The following GKAP1 variants were observed in gnomAD, a reference collection of about 807,000 sequenced individuals.
GKAP1 encodes the protein G kinase-anchoring protein 1.
In GKAP1, 31 loss-of-function variants were observed where a neutral mutation model predicts 56.7. The ratio of observed to expected loss-of-function variants is 0.55; its 90% confidence interval spans 0.41 to 0.74. The LOEUF (loss-of-function observed/expected upper bound fraction) is 0.74. GKAP1 is among the 30% of genes least tolerant of loss of function. The probability of loss-of-function intolerance (pLI) is 0.00; values close to 1 mark genes in which losing one functional copy is unlikely to be tolerated. For synonymous variants in GKAP1, 151 were observed against 138.6 expected, an observed-to-expected ratio of 1.09 and a Z score of -0.63; for missense variants, 364 against 402.3, an observed-to-expected ratio of 0.90 and a Z score of 0.82.
intron 2 of GKAP1, among the ~76,000 whole-genome samples, chr9:83,806,889 G>T (rs187966787): frequency 1.3e-5 from 2 of 152,020 alleles, no homozygotes; most frequent in Non-Finnish European, 2.9e-5. Context: ...ATGGTTTACA[G>T]TGGAAAAGAA....
intron 4 of GKAP1, chr9:83,793,013 C>T (rs1944187895): frequency 7.8e-7 from 1 of 1,277,264 alleles, no homozygotes; most frequent in South Asian, 1.3e-5. Context: ...CCTCCTACTC[C>T]CCATCTAGTA....
intron 4 of GKAP1, among the ~76,000 whole-genome samples, chr9:83,789,456 C>T (rs1453283802): frequency 1.3e-5 from 2 of 152,172 alleles, no homozygotes; most frequent in Middle Eastern, 6.3e-3. Flanking sequence ...ATAGCTGCAA[C>T]ATGACATGGG....
chr9:83,753,571 GACAA>G (rs1943428879), intron 8 of GKAP1, among the ~76,000 whole-genome samples: 1 of 152,038 alleles, frequency 6.6e-6, no homozygotes, highest in Non-Finnish European at 1.5e-5. Flanking sequence ...CAAACATACT[GACAA>G]ACAATATCAG....
rs111520030 is a variant in GKAP1 at position 83,803,535 on chromosome 9, G to A, written c.216+2767C>T. Among the ~76,000 whole-genome samples the A allele has an allele frequency of 7.2e-5, 11 of 152,344 alleles. 1 individual carries two copies. The highest frequency in any genetic ancestry group is 2.4e-4 in the African/African-American group (10 of 41,580). On this transcript the variant is annotated intron_variant, in intron 3 of 12. Transcript: ENST00000376371. ...CTCCCGAGGTGCCGGGATTGCAGACGGAGTGTGGTTCACTCAGTGCTCAAT... is the reference window on the plus strand; with the variant it reads ...CTCCCGAGGTGCCGGGATTGCAGACAGAGTGTGGTTCACTCAGTGCTCAAT...
chr9:83,770,579 C>T (rs112504463), intron 7 of GKAP1, among the ~76,000 whole-genome samples: 2,086 of 150,408 alleles, frequency 0.014, 29 homozygotes, highest in South Asian at 0.035. Context: ...TTTTTTGAGA[C>T]GGAGTTTCAC....
intron 8 of GKAP1, among the ~76,000 whole-genome samples, chr9:83,758,782 T>C (rs1460827983): frequency 6.7e-6 from 1 of 150,066 alleles, no homozygotes; most frequent in African/African-American, 2.4e-5. Context: ...AGACTTAGGG[T>C]TGATTTACTT....
intron 4 of GKAP1, among the ~76,000 whole-genome samples, chr9:83,791,441 G>C (rs188274898): frequency 2.0e-5 from 3 of 151,530 alleles, no homozygotes; most frequent in Admixed American, 2.0e-4. Context: ...AAATTTTAAA[G>C]TAAAAACATA....
At chr9:83,784,869 C>A in intron 5 of GKAP1, 31 bp from the exon 6 acceptor site, 1 of 1,478,334 alleles carries the variant, frequency 6.8e-7, no homozygotes, top group South Asian at 1.3e-5. Flanking sequence ...CAATTAAGTT[C>A]AGTTTACAAA....
intron 3 of GKAP1, among the ~76,000 whole-genome samples, chr9:83,801,941 A>G (rs1944337888): frequency 6.6e-6 from 1 of 152,230 alleles, no homozygotes; most frequent in South Asian, 2.1e-4. Context: ...TAATAGAAAA[A>G]ATAAACTGAA....
chr9:83,762,040 G>A (rs1273604053), intron 8 of GKAP1, among the ~76,000 whole-genome samples: 1 of 152,098 alleles, frequency 6.6e-6, no homozygotes, highest in Non-Finnish European at 1.5e-5. Context: ...ACGTAGTACT[G>A]GAAGTCCTAG....
chr9:83,753,846 C>T (rs879866201), intron 8 of GKAP1, among the ~76,000 whole-genome samples: 9 of 151,956 alleles, frequency 5.9e-5, no homozygotes, highest in Non-Finnish European at 1.3e-4. Context: ...TGATCAGGAC[C>T]AACACTAAGA....
chr9:83,802,549 T>A (rs1944348352), intron 3 of GKAP1, among the ~76,000 whole-genome samples: 1 of 148,376 alleles, frequency 6.7e-6, no homozygotes, highest in Non-Finnish European at 1.5e-5. Flanking sequence ...TTACAGAGGG[T>A]CAGGAATAGT....
chr9:83,791,837 A>G (rs1328939221), intron 4 of GKAP1, among the ~76,000 whole-genome samples: 1 of 152,238 alleles, frequency 6.6e-6, no homozygotes, highest in Admixed American at 6.5e-5. Flanking sequence ...GTGATTCAGG[A>G]ATACAGAAAA....
intron 6 of GKAP1, among the ~76,000 whole-genome samples, chr9:83,781,511 T>C (rs2131288707): frequency 6.6e-6 from 1 of 152,358 alleles, no homozygotes; most frequent in East Asian, 1.9e-4. Context: ...ATCTAAAAGC[T>C]GGTCCAGTTC....
At chr9:83,790,851 C>T (rs893027544) in intron 4 of GKAP1, among the ~76,000 whole-genome samples, 1 of 151,960 alleles carries the variant, frequency 6.6e-6, no homozygotes, top group Non-Finnish European at 1.5e-5. Context: ...AACAAAACTA[C>T]TTGTTTATTC....
chr9:83,810,389 C>T lies in GKAP1; in HGVS notation c.-43-3829G>A, dbSNP rs1051732987. Among the ~76,000 whole-genome samples, 5 of 152,350 alleles carry T rather than the reference C, an allele frequency of 3.3e-5. No individual in the cohort carries two copies. The East Asian group carries it at 5.8e-4, about 18-fold the overall frequency. On this transcript the variant is annotated intron_variant, in intron 2 of 12. Coordinates refer to ENST00000376371, the MANE Select transcript of GKAP1 (RefSeq NM_025211.4). ...AATGTTCACAGAAGCAAGTACAATT[C>T]TCTCATTAGAAACCCTGAAAAGAGT...
At chr9:83,757,179 G>C (rs963342162) in intron 8 of GKAP1, among the ~76,000 whole-genome samples, 1 of 152,162 alleles carries the variant, frequency 6.6e-6, no homozygotes, top group Non-Finnish European at 1.5e-5. Flanking sequence ...GGCAGTGAGA[G>C]AGAGCTTCTG....
intron 7 of GKAP1, 48 bp from the exon 8 acceptor site, chr9:83,769,018 T>G (rs771317948): frequency 6.9e-7 from 1 of 1,455,596 alleles, no homozygotes; most frequent in Non-Finnish European, 9.5e-7. Context: ...TGCACTGATA[T>G]GCATTTAATA....
chr9:83,811,430 T>C (rs946913288), intron 2 of GKAP1, among the ~76,000 whole-genome samples: 1 of 152,200 alleles, frequency 6.6e-6, no homozygotes, highest in Admixed American at 6.5e-5. Context: ...TCTTAAATAG[T>C]GGGCATACAA....
Sources: allele counts gnomAD v4.1 joint callset (sites outside exome capture counted in the v4.1 genomes callset), GRCh38; gene constraint gnomAD v4.1.1; transcripts MANE v1.5; gene names NCBI Gene and HGNC (gene_info 2026-07-23, HGNC 2026-07-21).